The following IL1RAPL1 variants were observed in gnomAD, a reference collection of about 807,000 sequenced individuals.
The protein encoded by IL1RAPL1 is interleukin 1 receptor accessory protein like 1.
A neutral mutation model predicts 48.4 loss-of-function variants in IL1RAPL1; 3 were observed. That is an observed-to-expected ratio of 0.06 (90% CI 0.03 to 0.16). IL1RAPL1 has a LOEUF of 0.16. Ranked by LOEUF, IL1RAPL1 falls within the 10% of genes least tolerant of loss-of-function variation. The probability of loss-of-function intolerance (pLI) is 1.00; values close to 1 mark genes in which losing one functional copy is unlikely to be tolerated. For missense variants in IL1RAPL1, 349 were observed against 530.6 expected, an observed-to-expected ratio of 0.66 and a Z score of 3.36; for synonymous variants, 185 against 187.7, an observed-to-expected ratio of 0.99 and a Z score of 0.12.
rs766872878 is a variant in IL1RAPL1 at position 29,477,984 on chromosome X, A to G, written c.703+78676A>G. On this transcript the variant is annotated intron_variant, in intron 5 of 10. Coordinates refer to ENST00000378993, the MANE Select transcript of IL1RAPL1 (RefSeq NM_014271.4). ...GAAATACAAATAGTTAAAAATAACC[A>G]AACAACCTCACTAGCCTTTAAAGAT... Among the ~76,000 whole-genome samples, 3 of 112,680 alleles carry G rather than the reference A, an allele frequency of 2.7e-5. No individual in the cohort carries two copies. In the South Asian group the frequency reaches 1.1e-3, roughly 41 times the overall value.
intron 2 of IL1RAPL1, among the ~76,000 whole-genome samples, chrX:28,804,727 C>T (rs1415729385): frequency 9.0e-6 from 1 of 111,521 alleles, no homozygotes. Flanking sequence ...ATGATCTCTC[C>T]ATCTCATGAT....
At chrX:29,904,379 T>A (rs2147228772) in intron 6 of IL1RAPL1, among the ~76,000 whole-genome samples, 1 of 110,890 alleles carries the variant, frequency 9.0e-6, no homozygotes, top group African/African-American at 3.3e-5. Flanking sequence ...TTTAATTTTT[T>A]AAGTTCTGGG....
At chrX:29,604,727 C>T (rs181473906) in intron 5 of IL1RAPL1, among the ~76,000 whole-genome samples, 178 of 112,003 alleles carry the variant, frequency 1.6e-3, no homozygotes, top group African/African-American at 5.5e-3. Flanking sequence ...GACATAAACT[C>T]TTCAGACCAT....
At chrX:29,359,920 T>C (rs1020284225) in intron 3 of IL1RAPL1, among the ~76,000 whole-genome samples, 1 of 111,113 alleles carries the variant, frequency 9.0e-6, no homozygotes, top group Admixed American at 9.6e-5. Context: ...GGTAGCCATG[T>C]TATTACCATT....
At chrX:29,741,067 A>G (rs1048481832) in intron 6 of IL1RAPL1, among the ~76,000 whole-genome samples, 1 of 112,294 alleles carries the variant, frequency 8.9e-6, no homozygotes, top group Non-Finnish European at 1.9e-5. Context: ...GAAAAATATA[A>G]ATATTCTAAA....
chrX:28,697,104 T>G (rs1935241118), intron 1 of IL1RAPL1, among the ~76,000 whole-genome samples: 1 of 111,762 alleles, frequency 8.9e-6, no homozygotes, highest in South Asian at 3.6e-4. Context: ...GTTGTTACTT[T>G]TAATTTGCCT....
chrX:28,686,206 T>G (rs1476064979), intron 1 of IL1RAPL1, among the ~76,000 whole-genome samples: 2 of 112,198 alleles, frequency 1.8e-5, no homozygotes, highest in Non-Finnish European at 3.8e-5. Context: ...TGAGTTGAAT[T>G]AAACAAAACA....
intron 1 of IL1RAPL1, among the ~76,000 whole-genome samples, chrX:28,772,725 A>G (rs935763139): frequency 1.8e-5 from 2 of 112,127 alleles, no homozygotes; most frequent in Non-Finnish European, 3.8e-5. Context: ...AATTAGCATG[A>G]CGTTATATTG....
intron 9 of IL1RAPL1, among the ~76,000 whole-genome samples, chrX:29,949,507 A>C (rs1271871305): frequency 8.9e-6 from 1 of 112,002 alleles, no homozygotes; most frequent in East Asian, 2.8e-4. Context: ...TACTACAAAG[A>C]GTGTGTATAC....
intron 6 of IL1RAPL1, among the ~76,000 whole-genome samples, chrX:29,791,392 T>C (rs778078251): frequency 8.1e-5 from 9 of 110,544 alleles, no homozygotes; most frequent in Non-Finnish European, 1.7e-4. Flanking sequence ...TATTGAAGCA[T>C]TCAGTCTCAA....
intron 2 of IL1RAPL1, among the ~76,000 whole-genome samples, chrX:29,085,039 A>C (rs781198840): frequency 8.9e-6 from 1 of 112,135 alleles, no homozygotes; most frequent in East Asian, 2.8e-4. Flanking sequence ...ACTCAAATTA[A>C]AGGGATACAT....
chrX:29,218,008 G>C (rs917499909), intron 2 of IL1RAPL1, among the ~76,000 whole-genome samples: 1 of 111,204 alleles, frequency 9.0e-6, no homozygotes, highest in African/African-American at 3.3e-5. Flanking sequence ...TAATTTTCTG[G>C]TTATAATTCT....
chrX:28,760,615 A>G (rs1456351415), intron 1 of IL1RAPL1, among the ~76,000 whole-genome samples: 1 of 111,726 alleles, frequency 9.0e-6, no homozygotes, highest in Admixed American at 9.5e-5. Context: ...AAATACCATA[A>G]CGTGTAAAAG....
chrX:28,920,850 A>C (rs1207288427), intron 2 of IL1RAPL1, among the ~76,000 whole-genome samples: 2 of 112,183 alleles, frequency 1.8e-5, no homozygotes, highest in Non-Finnish European at 3.8e-5. Context: ...TGTCATGCAC[A>C]TGGAGGCACT....
chrX:29,668,829 G>T (rs1926070198), intron 6 of IL1RAPL1, among the ~76,000 whole-genome samples: 1 of 111,453 alleles, frequency 9.0e-6, no homozygotes. Context: ...GGAACAATTT[G>T]ATTTATAATA....
chrX:29,341,322 G>C (rs368423216), intron 3 of IL1RAPL1, among the ~76,000 whole-genome samples: 2 of 112,150 alleles, frequency 1.8e-5, no homozygotes, highest in Non-Finnish European at 3.8e-5. Flanking sequence ...AGAATGAAGC[G>C]TGCTAATTTG....
intron 2 of IL1RAPL1, among the ~76,000 whole-genome samples, chrX:29,065,640 T>C (rs12559597): frequency 0.2 from 22,229 of 111,204 alleles, 1,854 homozygotes; most frequent in South Asian, 0.44. Flanking sequence ...TGTTCTGATA[T>C]GCTCATTACG....
chrX:28,615,199 GTTTTTTTTTTT>G (rs778402885), intron 1 of IL1RAPL1, among the ~76,000 whole-genome samples: 80 of 26,047 alleles, frequency 3.1e-3, no homozygotes, highest in Non-Finnish European at 5.3e-3. Context: ...ACTGTTGTCT[GTTTTTTTTTTT>G]TTTTTTTTTT....
chrX:29,193,964 G>A lies in IL1RAPL1; in HGVS notation c.83-88974G>A, dbSNP rs191319824. Among the ~76,000 whole-genome samples the A allele has an allele frequency of 5.4e-5, 6 of 111,858 alleles. No homozygotes were observed. The East Asian group carries it at 1.7e-3, about 31-fold the overall frequency. On this transcript the variant is annotated intron_variant, in intron 2 of 10. Coordinates refer to ENST00000378993, the MANE Select transcript of IL1RAPL1 (RefSeq NM_014271.4). The stretch of plus-strand genomic sequence containing the variant: ...TATTTCAAGTTAAACGTTGAGGAAA[G>A]ATAACCTCTTGAATGTTTTAGAGTT...
Sources: gnomAD v4.1 joint callset for allele counts (sites outside exome capture counted in the v4.1 genomes callset) on GRCh38, gnomAD v4.1.1 for gene constraint, MANE v1.5 for transcripts, NCBI Gene and HGNC (gene_info 2026-07-23, HGNC 2026-07-21) for gene names.